Variants in SPAG17 observed in about 807,000 individuals in gnomAD.
SPAG17 encodes sperm associated antigen 17.
Under a neutral mutation model 273.6 loss-of-function variants are expected in SPAG17, and 169 were observed. The ratio of observed to expected loss-of-function variants is 0.62; its 90% CI spans 0.55 to 0.70. The LOEUF is 0.70. SPAG17 is among the 30% of genes least tolerant of loss of function. SPAG17 has a pLI of 0.00. For synonymous variants in SPAG17, 825 were observed against 873.2 expected (o/e 0.94, Z 0.97); for missense variants, 2,557 against 2,627.8 (o/e 0.97, Z 0.59).
chr1:118,004,905 T>A (rs896670462), intron 32 of SPAG17, among the ~76,000 whole-genome samples: 3 of 152,212 alleles, frequency 2.0e-5, no homozygotes, highest in African/African-American at 7.2e-5. Flanking sequence ...TCGATCACAC[T>A]GGGAGCTGCA....
chr1:118,084,477 G>C (rs2997484), intron 13 of SPAG17, among the ~76,000 whole-genome samples: 33 of 152,290 alleles, frequency 2.2e-4, no homozygotes, highest in African/African-American at 7.9e-4. Context: ...ATGAGAATTT[G>C]CTTTGGGAAA....
rs1296227918 is a variant in SPAG17, at chr1:117,990,568, T to C, written c.5521+293A>G. On this transcript the variant is annotated intron_variant, in intron 38 of 48. Transcript: ENST00000336338. ...TGACTGTTTCCTTCCTATATCTTCA[T>C]TATAGTTGAGGCTAACATAAAAGTC... 2.0e-5 allele frequency among the ~76,000 whole-genome samples: 3 copies of C among 152,186 alleles called. No homozygotes were observed. In the South Asian group the frequency reaches 6.2e-4, roughly 31 times the overall value.
chr1:118,002,344 T>C (rs1276547991), intron 32 of SPAG17, among the ~76,000 whole-genome samples: 2 of 152,198 alleles, frequency 1.3e-5, no homozygotes, highest in Non-Finnish European at 2.9e-5. Flanking sequence ...TAGTTCTGCT[T>C]GGTGCAGAAC....
chr1:117,959,855 C>T (rs1244343160), intron 48 of SPAG17: 1 of 153,524 alleles, frequency 6.5e-6, no homozygotes, highest in Non-Finnish European at 1.4e-5. Context: ...GTTTTACTGC[C>T]TATTGAGACA....
At chr1:117,957,133 A>G (rs1248736747) in intron 48 of SPAG17, 6 of 1,612,652 alleles carry the variant, frequency 3.7e-6, no homozygotes, top group African/African-American at 1.3e-5. Context: ...AAACTCTTTA[A>G]CGAATTCATT....
At chr1:117,979,258 C>A (rs927457234) in intron 43 of SPAG17, among the ~76,000 whole-genome samples, 1 of 152,166 alleles carries the variant, frequency 6.6e-6, no homozygotes, top group Non-Finnish European at 1.5e-5. Flanking sequence ...ATTCTCAAGG[C>A]ATAAACCTAT....
Position 117,992,569 on chromosome 1 carries a change from G to A in SPAG17, c.5258C>T (p.Pro1753Leu), listed in dbSNP as rs138653942. 2,228 of 1,613,552 alleles carry A rather than the reference G, an allele frequency of 1.4e-3. 14 individuals carry two copies. The highest frequency in any genetic ancestry group is 7.9e-3 in the South Asian group (719 of 91,032). The change falls in exon 36 of 49, where the codon CCG (proline) becomes CTG (leucine). Residue 1753 changes from proline (P) to leucine (L), a missense_variant. By Grantham distance (98) the Pro-to-Leu change is moderately conservative. Coordinates refer to ENST00000336338, the MANE Select transcript of SPAG17 (RefSeq NM_206996.4). ...ACTGGGGCTCTTGAGTATGGCACCC[G>A]GGGCACTCACTAGCTGTTTGGACTC... ...CIESKQLVSAPGAILKSPSVL... is the reference protein window; with the variant it reads ...CIESKQLVSALGAILKSPSVL...
At chr1:118,030,025 C>T (rs1384451456) in intron 25 of SPAG17, among the ~76,000 whole-genome samples, 1 of 152,170 alleles carries the variant, frequency 6.6e-6, no homozygotes, top group Non-Finnish European at 1.5e-5. Flanking sequence ...ATCATCCTCA[C>T]CCTTCCATTA....
intron 46 of SPAG17, among the ~76,000 whole-genome samples, chr1:117,968,472 T>C (rs914090937): frequency 2.0e-5 from 3 of 152,226 alleles, no homozygotes; most frequent in African/African-American, 7.2e-5. Context: ...AGTACAGTGA[T>C]GAATTACTTC....
At chr1:118,119,229 T>C (rs1657279242) in intron 3 of SPAG17, among the ~76,000 whole-genome samples, 2 of 152,256 alleles carry the variant, frequency 1.3e-5, no homozygotes, top group South Asian at 4.1e-4. Flanking sequence ...CTGTATGATT[T>C]CCCTTGTGTG....
At chr1:118,004,081 A>T (rs1160700471) in intron 32 of SPAG17, among the ~76,000 whole-genome samples, 1 of 152,134 alleles carries the variant, frequency 6.6e-6, no homozygotes, top group Non-Finnish European at 1.5e-5. Context: ...CTTCAGCTGC[A>T]GGTCTGTTGG....
chr1:118,080,068 A>AT (rs1311410171), intron 15 of SPAG17, among the ~76,000 whole-genome samples: 1 of 151,364 alleles, frequency 6.6e-6, no homozygotes, highest in African/African-American at 2.4e-5. Context: ...GTGTAGATTA[A>AT]TTTTTTTATT....
chr1:118,150,635 A>G lies in SPAG17; in HGVS notation c.229-6T>C, dbSNP rs1659323132. The stretch of plus-strand genomic sequence containing the variant: ...AGTGTATTTATTTCATTAATCTGTA[A>G]GAAAATTAAATTTACTTATGATGAA... On this transcript the variant is annotated splice_polypyrimidine_tract_variant and splice_region_variant and intron_variant, in intron 2 of 48. Transcript: ENST00000336338. 2 of 1,443,354 alleles carry G rather than the reference A, an allele frequency of 1.4e-6. No individual in the cohort carries two copies. Among genetic ancestry groups the G allele is most frequent in the Non-Finnish European group, 1.9e-6 (2 of 1,045,030 alleles). 89.4% of individuals were successfully genotyped at this position (1,443,354 alleles called of 1,614,324 possible). A position where few individuals can be genotyped will look rare whatever the true frequency, so the allele number is the denominator to read the frequency against.
intron 30 of SPAG17, among the ~76,000 whole-genome samples, chr1:118,008,444 T>C (rs1314240246): frequency 6.6e-6 from 1 of 152,162 alleles, no homozygotes; most frequent in African/African-American, 2.4e-5. Context: ...ATTCTCACTA[T>C]TTATTTGCAG....
chr1:117,997,948 G>A (rs12038261), intron 32 of SPAG17, among the ~76,000 whole-genome samples: 9,956 of 152,084 alleles, frequency 0.065, 519 homozygotes, highest in East Asian at 0.31. Context: ...GGATAGTCGT[G>A]GTGTTGAAAG....
At chr1:118,116,158 G>A (rs185546996) in intron 3 of SPAG17, among the ~76,000 whole-genome samples, 6 of 152,118 alleles carry the variant, frequency 3.9e-5, no homozygotes, top group South Asian at 2.1e-4. Context: ...TTCACACAAC[G>A]CTCTAACATC....
chr1:117,993,995 T>C (rs754966988), intron 35 of SPAG17, among the ~76,000 whole-genome samples: 4 of 152,078 alleles, frequency 2.6e-5, no homozygotes, highest in Non-Finnish European at 4.4e-5. Flanking sequence ...ATTTTTAATA[T>C]ATGAAGAAAA....
At chr1:118,021,329 C>A (rs556014931) in intron 28 of SPAG17, among the ~76,000 whole-genome samples, 1 of 152,146 alleles carries the variant, frequency 6.6e-6, no homozygotes, top group East Asian at 1.9e-4. Context: ...TGATTCTAAT[C>A]ATATGACATT....
At chr1:118,012,857 T>C (rs1659616349) in intron 29 of SPAG17, among the ~76,000 whole-genome samples, 1 of 152,170 alleles carries the variant, frequency 6.6e-6, no homozygotes, top group African/African-American at 2.4e-5. Context: ...TGAAGATTGG[T>C]AGGGGACAGA....
Sources: gnomAD v4.1 joint callset for allele counts (sites outside exome capture counted in the v4.1 genomes callset) on GRCh38, gnomAD v4.1.1 for gene constraint, MANE v1.5 for transcripts, NCBI Gene and HGNC (gene_info 2026-07-23, HGNC 2026-07-21) for gene names.